The following ANKS1B variants were observed in gnomAD, a reference collection of about 807,000 sequenced individuals.
The protein encoded by ANKS1B is ankyrin repeat and sterile alpha motif domain containing 1B, also known as ankyrin repeat and sterile alpha motif domain-containing protein 1B.
A neutral mutation model predicts 148.3 loss-of-function variants in ANKS1B; 36 were observed. The observed-to-expected ratio is 0.24, with a 90% CI of 0.19 to 0.32. The LOEUF is 0.32. Ranked by LOEUF, ANKS1B falls within the 10% of genes least tolerant of loss-of-function variation. The probability of loss-of-function intolerance (pLI) is 1.00; values close to 1 mark genes in which losing one functional copy is unlikely to be tolerated. For synonymous variants in ANKS1B, 542 were observed against 560.8 expected (o/e 0.97, Z 0.47); for missense variants, 1,157 against 1,542.6 (o/e 0.75, Z 4.19).
At chr12:99,627,671 A>G (rs2098122971) in intron 9 of ANKS1B, among the ~76,000 whole-genome samples, 1 of 152,202 alleles carries the variant, frequency 6.6e-6, no homozygotes, top group South Asian at 2.1e-4. Flanking sequence ...TGCAATGCAC[A>G]CAGCAGAGTG....
chr12:98,853,313 G>A (rs2153779766), intron 17 of ANKS1B, among the ~76,000 whole-genome samples: 1 of 152,280 alleles, frequency 6.6e-6, no homozygotes, highest in South Asian at 2.1e-4. Context: ...AGTTCCATCA[G>A]GGACTTGGTA....
At chr12:98,834,677 T>C (rs1157814336) in intron 17 of ANKS1B, among the ~76,000 whole-genome samples, 1 of 152,208 alleles carries the variant, frequency 6.6e-6, no homozygotes, top group Non-Finnish European at 1.5e-5. Flanking sequence ...TTAGTGATTT[T>C]TGCATATCTG....
At chr12:99,726,113 G>C (rs1429676274) in intron 8 of ANKS1B, among the ~76,000 whole-genome samples, 1 of 152,104 alleles carries the variant, frequency 6.6e-6, no homozygotes, top group African/African-American at 2.4e-5. Context: ...CCAAAAGCTA[G>C]CAGAAGACAA....
At chr12:99,556,482 T>C (rs114787325) in intron 9 of ANKS1B, among the ~76,000 whole-genome samples, 1 of 152,180 alleles carries the variant, frequency 6.6e-6, no homozygotes, top group Admixed American at 6.5e-5. Context: ...TGTCTTCTGC[T>C]AACATTGGAA....
At chr12:99,659,122 G>A (rs2098463815) in intron 8 of ANKS1B, among the ~76,000 whole-genome samples, 1 of 152,052 alleles carries the variant, frequency 6.6e-6, no homozygotes, top group African/African-American at 2.4e-5. Flanking sequence ...AAGTAGCTTT[G>A]CAGAAATGAA....
intron 15 of ANKS1B, among the ~76,000 whole-genome samples, chr12:99,119,851 CACAGTCA>C (rs1411227005): frequency 3.9e-5 from 6 of 152,092 alleles, no homozygotes; most frequent in African/African-American, 7.2e-5. Context: ...CCAATTTGAC[CACAGTCA>C]AATCAATATA....
At chr12:99,197,441 C>T (rs982060305) in intron 14 of ANKS1B, among the ~76,000 whole-genome samples, 2 of 152,014 alleles carry the variant, frequency 1.3e-5, no homozygotes, top group African/African-American at 4.8e-5. Context: ...AGAATAGTGG[C>T]CCCCAAAGAT....
chr12:99,662,645 C>T (rs2098483285), intron 8 of ANKS1B, among the ~76,000 whole-genome samples: 1 of 152,148 alleles, frequency 6.6e-6, no homozygotes. Context: ...TGTCTTCCTT[C>T]CATATTCAAA....
intron 25 of ANKS1B, among the ~76,000 whole-genome samples, chr12:98,753,594 AT>A (rs1404486420): frequency 1.3e-5 from 2 of 151,964 alleles, no homozygotes. Flanking sequence ...TGCCCAGCTA[AT>A]TTTGTATTTT....
At chr12:99,636,755 C>T (rs1170939645) in intron 9 of ANKS1B, among the ~76,000 whole-genome samples, 3 of 152,090 alleles carry the variant, frequency 2.0e-5, no homozygotes, top group Non-Finnish European at 4.4e-5. Flanking sequence ...TGTGCACGTC[C>T]ATGAATGAGA....
chr12:99,278,215 G>A (rs2077934202), intron 12 of ANKS1B, among the ~76,000 whole-genome samples: 1 of 152,148 alleles, frequency 6.6e-6, no homozygotes, highest in African/African-American at 2.4e-5. Flanking sequence ...CAGAAGTGAT[G>A]CACACCACAT....
chr12:99,596,516 T>C (rs2097759876), intron 9 of ANKS1B, among the ~76,000 whole-genome samples: 1 of 151,928 alleles, frequency 6.6e-6, no homozygotes, highest in Non-Finnish European at 1.5e-5. Flanking sequence ...TATGGTCATA[T>C]TTTGAGGTTA....
chr12:99,713,601 A>C (rs948425710), intron 8 of ANKS1B, among the ~76,000 whole-genome samples: 3 of 152,190 alleles, frequency 2.0e-5, no homozygotes, highest in Non-Finnish European at 4.4e-5. Flanking sequence ...GTCTTCTGCC[A>C]CCAAATAACA....
At position 99,258,933 on chromosome 12, in the gene ANKS1B, C is replaced by A. The variant is rs117755724; in HGVS notation, c.1757-12069G>T. Among the ~76,000 whole-genome samples the A allele has an allele frequency of 7.1e-3, 1,083 of 152,264 alleles. 7 individuals carry two copies. The highest frequency in any genetic ancestry group is 0.031 in the Middle Eastern group (9 of 294). On this transcript the variant is annotated intron_variant, in intron 12 of 26. Transcript: ENST00000683438. ...ATTCCATACTAGGTAAGGGGAACCACCAATAGATATTGTGTGCCTTCTATG... is the reference window on the plus strand; with the variant it reads ...ATTCCATACTAGGTAAGGGGAACCAACAATAGATATTGTGTGCCTTCTATG...
intron 11 of ANKS1B, among the ~76,000 whole-genome samples, chr12:99,431,671 T>C (rs2095373793): frequency 6.6e-6 from 1 of 152,214 alleles, no homozygotes; most frequent in Non-Finnish European, 1.5e-5. Flanking sequence ...TATTAGGACA[T>C]TCTGACTAAG....
intron 17 of ANKS1B, chr12:98,895,075 C>T: frequency 1.0e-6 from 1 of 968,610 alleles, no homozygotes; most frequent in Non-Finnish European, 1.2e-6. Flanking sequence ...CGGCTGCTGC[C>T]CGGGGTGGGC....
chr12:99,461,352 CA>C (rs771263763), intron 10 of ANKS1B, among the ~76,000 whole-genome samples: 10 of 151,922 alleles, frequency 6.6e-5, no homozygotes, highest in Non-Finnish European at 1.5e-4. Context: ...ATGAGTACAC[CA>C]AAATCTCAGA....
At chr12:99,625,331 A>G (rs1414523057) in intron 9 of ANKS1B, among the ~76,000 whole-genome samples, 1 of 152,010 alleles carries the variant, frequency 6.6e-6, no homozygotes, top group Non-Finnish European at 1.5e-5. Context: ...CCAAACCTCA[A>G]TTTCACACAA....
intron 17 of ANKS1B, among the ~76,000 whole-genome samples, chr12:98,871,690 C>T (rs1041128051): frequency 1.3e-5 from 2 of 152,012 alleles, no homozygotes; most frequent in Admixed American, 6.5e-5. Context: ...ATTTGAGGAG[C>T]TGTTTTTTTT....
Sources: gnomAD v4.1 joint callset for allele counts (sites outside exome capture counted in the v4.1 genomes callset) on GRCh38, gnomAD v4.1.1 for gene constraint, MANE v1.5 for transcripts, NCBI Gene and HGNC (gene_info 2026-07-23, HGNC 2026-07-21) for gene names.